GRM5: variants seen among roughly 807,000 people sequenced by gnomAD.
GRM5 encodes metabotropic glutamate receptor 5.
In GRM5, 19 loss-of-function variants were observed where a neutral mutation model predicts 83.1. The ratio of observed to expected loss-of-function variants is 0.23; its 90% CI spans 0.16 to 0.34. GRM5 has a LOEUF of 0.34. Among genes scored for constraint, GRM5 ranks in the 10% least tolerant of loss-of-function variants. GRM5 has a pLI of 1.00. For synonymous variants in GRM5, 675 were observed against 633.6 expected, an observed-to-expected ratio of 1.07 and a Z score of -0.98; for missense variants, 1,160 against 1,588.3, an observed-to-expected ratio of 0.73 and a Z score of 4.58.
chr11:88,822,275 G>T (rs1406979768), intron 3 of GRM5, among the ~76,000 whole-genome samples: 1 of 152,118 alleles, frequency 6.6e-6, no homozygotes, highest in Non-Finnish European at 1.5e-5. Context: ...TATAGCCACT[G>T]TGCTATACAT....
At chr11:88,986,043 A>C (rs1381715712) in intron 2 of GRM5, among the ~76,000 whole-genome samples, 1 of 152,158 alleles carries the variant, frequency 6.6e-6, no homozygotes, top group Non-Finnish European at 1.5e-5. Flanking sequence ...AAAAATGAAA[A>C]ATTATATTTA....
In GRM5 at chr11:88,574,784, C is replaced by T. The variant is rs562394593; in HGVS notation, c.1691-6792G>A. Among the ~76,000 whole-genome samples the T allele has an allele frequency of 3.3e-5, 5 of 152,092 alleles. No homozygotes were observed. The East Asian group carries it at 5.8e-4, about 18-fold the overall frequency. On this transcript the variant is annotated intron_variant, in intron 7 of 9. Coordinates refer to ENST00000305447, the MANE Select transcript of GRM5 (RefSeq NM_001143831.3). ...TCCATCTCAAAGAAAAAGAAATATT[C>T]CTCATGCTGACTAGTCATTTGGGAC...
chr11:88,686,483 G>C (rs1169101744), intron 3 of GRM5, among the ~76,000 whole-genome samples: 4 of 152,096 alleles, frequency 2.6e-5, no homozygotes, highest in African/African-American at 9.7e-5. Flanking sequence ...GGGGACTGAG[G>C]GAAGACACGC....
intron 3 of GRM5, among the ~76,000 whole-genome samples, chr11:88,754,135 G>T (rs1306614786): frequency 1.3e-5 from 2 of 152,122 alleles, no homozygotes; most frequent in Non-Finnish European, 2.9e-5. Flanking sequence ...CCTTTTCAGG[G>T]ACATGGATGG....
chr11:88,940,471 A>C (rs770083683), intron 2 of GRM5, among the ~76,000 whole-genome samples: 1 of 151,168 alleles, frequency 6.6e-6, no homozygotes. Context: ...CCCATTATAC[A>C]GTTTTATCTT....
intron 8 of GRM5, among the ~76,000 whole-genome samples, chr11:88,540,783 C>G (rs1287014139): frequency 1.3e-5 from 2 of 151,900 alleles, no homozygotes; most frequent in African/African-American, 4.8e-5. Flanking sequence ...CTCTGTCATC[C>G]AGGCTGGAGT....
intron 2 of GRM5, among the ~76,000 whole-genome samples, chr11:88,878,566 T>A (rs1303125571): frequency 6.6e-6 from 1 of 152,166 alleles, no homozygotes; most frequent in East Asian, 1.9e-4. Context: ...GAGAAAGATA[T>A]TCTCACACAA....
At chr11:88,931,420 G>A (rs1937701123) in intron 2 of GRM5, among the ~76,000 whole-genome samples, 1 of 130,288 alleles carries the variant, frequency 7.7e-6, no homozygotes, top group South Asian at 2.7e-4. Context: ...GATAGAGAAA[G>A]CATATTGAAA....
intron 2 of GRM5, among the ~76,000 whole-genome samples, chr11:89,039,613 T>C (rs1289989386): frequency 1.3e-5 from 2 of 152,232 alleles, no homozygotes; most frequent in Non-Finnish European, 2.9e-5. Flanking sequence ...TGTCAACTGC[T>C]GGCCAGAGTG....
intron 4 of GRM5, among the ~76,000 whole-genome samples, chr11:88,634,658 A>C (rs1939070573): frequency 6.6e-6 from 1 of 152,208 alleles, no homozygotes; most frequent in South Asian, 2.1e-4. Context: ...CTCCTGAAGG[A>C]CTTGCCTGAG....
intron 2 of GRM5, among the ~76,000 whole-genome samples, chr11:88,958,890 G>A (rs1938701712): frequency 6.6e-6 from 1 of 151,994 alleles, no homozygotes; most frequent in South Asian, 2.1e-4. Flanking sequence ...AGTGTGAAGG[G>A]TGGCATTTTT....
At chr11:88,659,953 T>C (rs1319608) in intron 3 of GRM5, among the ~76,000 whole-genome samples, 108,381 of 152,130 alleles carry the variant, frequency 0.71, 43,528 homozygotes, top group South Asian at 0.92. Flanking sequence ...GAAAAATACA[T>C]GTAGCCCTGA....
chr11:88,556,158 G>A (rs1430724490), intron 8 of GRM5, among the ~76,000 whole-genome samples: 1 of 152,062 alleles, frequency 6.6e-6, no homozygotes, highest in African/African-American at 2.4e-5. Context: ...GATTCCTGAA[G>A]TCAAATATTT....
chr11:88,985,363 T>G (rs1382197699), intron 2 of GRM5, among the ~76,000 whole-genome samples: 7 of 152,086 alleles, frequency 4.6e-5, no homozygotes, highest in Admixed American at 3.9e-4. Flanking sequence ...TTATAGGTGA[T>G]TCTTCTGAGT....
intron 2 of GRM5, among the ~76,000 whole-genome samples, chr11:88,917,866 T>C (rs1000685343): frequency 2.0e-5 from 3 of 151,992 alleles, no homozygotes; most frequent in African/African-American, 7.2e-5. Flanking sequence ...ATCTAAGAGT[T>C]ATTGGCCTTA....
In GRM5 at chr11:88,653,278, G is replaced by A; in HGVS notation, c.1037C>T (p.Pro346Leu). 6.2e-7 allele frequency: 1 copy of A among 1,613,082 alleles called. No homozygotes were observed. The highest frequency in any genetic ancestry group is 8.5e-7 in the Non-Finnish European group (1 of 1,179,402). Reference sequence around the variant, plus strand: ...CCAAGGGTTTCGGTGGTTTGTTTCTGGCCGGAGCTTCAGATAATAATCATC... The same window carrying A: ...CCAAGGGTTTCGGTGGTTTGTTTCTAGCCGGAGCTTCAGATAATAATCATC... Reference protein sequence around the residue: ...WFDDYYLKLRPETNHRNPWFQ... With the variant: ...WFDDYYLKLRLETNHRNPWFQ... Residue 346 changes from proline (P) to leucine (L), a missense_variant, in exon 4 of 10, where the codon CCA becomes CTA. This residue lies in a region of GRM5 where 132 missense variants were observed against 197.6 expected (regional missense o/e 0.67). Transcript: ENST00000305447.
chr11:88,625,484 C>G (rs1591391169), intron 4 of GRM5, among the ~76,000 whole-genome samples: 1 of 152,154 alleles, frequency 6.6e-6, no homozygotes, highest in East Asian at 1.9e-4. Context: ...GGATTTTCTT[C>G]TCCAGGGGTC....
intron 2 of GRM5, among the ~76,000 whole-genome samples, chr11:88,881,615 T>TATAAA (rs1565275005): frequency 6.6e-6 from 1 of 152,178 alleles, no homozygotes; most frequent in African/African-American, 2.4e-5. Context: ...CAAGTATAAA[T>TATAAA]GGAGACTGTA....
chr11:88,666,994 G>C lies in GRM5; in HGVS notation c.912-13591C>G, dbSNP rs145216147. On this transcript the variant is annotated intron_variant, in intron 3 of 9. Coordinates refer to ENST00000305447, the MANE Select transcript of GRM5 (RefSeq NM_001143831.3). Reference sequence around the variant, plus strand: ...TCCCAATCATTAGAATCAATAGAGTGAATTTAAATACAAATATGAATAATA... The same window carrying C: ...TCCCAATCATTAGAATCAATAGAGTCAATTTAAATACAAATATGAATAATA... Among the ~76,000 whole-genome samples the C allele has an allele frequency of 3.3e-3, 502 of 152,186 alleles. 3 individuals are homozygous for C. Among genetic ancestry groups the C allele is most frequent in the African/African-American group, 0.011 (460 of 41,540 alleles).
Sources: allele counts gnomAD v4.1 joint callset (sites outside exome capture counted in the v4.1 genomes callset), GRCh38; gene constraint gnomAD v4.1.1; regional missense constraint gnomAD v4.1.1; transcripts MANE v1.5; gene names NCBI Gene and HGNC (gene_info 2026-07-23, HGNC 2026-07-21).